TRIM17: variants seen among roughly 807,000 people sequenced by gnomAD.
TRIM17 encodes the protein tripartite motif containing 17.
TRIM17 carries 27 observed loss-of-function variants against 35.8 expected under a neutral mutation model. That is an observed-to-expected ratio of 0.75 (90% CI 0.56 to 1.04). TRIM17 has a LOEUF of 1.04. Ranked by LOEUF, TRIM17 falls within the 50% of genes least tolerant of loss-of-function variation. The probability of loss-of-function intolerance (pLI) is 0.00; values close to 1 mark genes in which losing one functional copy is unlikely to be tolerated. For synonymous variants in TRIM17, 246 were observed against 252.6 expected (o/e 0.97, Z 0.25); for missense variants, 582 against 612.8 (o/e 0.95, Z 0.53).
Position 228,408,443 on chromosome 1 carries a change from TG to T in TRIM17, c.1191del (p.Lys398SerfsTer9). The T allele has an allele frequency of 6.2e-7, 1 of 1,614,196 alleles. No homozygotes were observed. The highest frequency in any genetic ancestry group is 8.5e-7 in the Non-Finnish European group (1 of 1,180,024). ...AGGGCAGAGAAGGTGGATAAGTACT[TG>T]GTCCCCTTGGACAGCTGCACCACCC... ...GFWVVQLSKG[T>X]KYLSTFSALT... is the part of the protein sequence containing the mutation. On this transcript the variant is annotated frameshift_variant, in exon 7 of 7. Transcript: ENST00000366698. LOFTEE classifies it low-confidence loss of function (END_TRUNC). This position sits in a 1 kb window ranked among gnomAD's most constrained non-coding sequence, Gnocchi z 6.3.
At chr1:228,415,933 A>C (rs550586544) in intron 1 of TRIM17, 4 of 152,324 alleles carry the variant, frequency 2.6e-5, no homozygotes, top group Non-Finnish European at 5.9e-5. Context: ...ATGCATGTAC[A>C]CACAGGTACA....
In TRIM17 at chr1:228,411,042, C is replaced by G. The variant is rs2149105966; in HGVS notation, c.660G>C (p.Glu220Asp). 6.2e-7 allele frequency: 1 copy of G among 1,613,636 alleles called. No homozygotes were observed. Among genetic ancestry groups the G allele is most frequent in the Non-Finnish European group, 8.5e-7 (1 of 1,179,962 alleles). ...EEEETASRLR[E>D]SVACLDRQGH... ...CCTGCCGGTCCAGGCAGGCCACGCT[C>G]TCCCGGAGCCTGCTGGCAGTCTCCT... Residue 220 changes from glutamate to aspartate, a missense_variant, in exon 4 of 7, where the codon GAG becomes GAC. Physicochemically the swap from Glu to Asp is conservative, Grantham distance 45. Coordinates refer to ENST00000366698, the MANE Select transcript of TRIM17 (RefSeq NM_016102.4). This position sits in a 1 kb window ranked among gnomAD's most constrained non-coding sequence, Gnocchi z 4.2.
In TRIM17 at chr1:228,410,365, C is replaced by T. The variant is rs1236438662; in HGVS notation, c.756+581G>A. Among the ~76,000 whole-genome samples the T allele has an allele frequency of 1.3e-5, 2 of 152,092 alleles. No homozygotes were observed. Among genetic ancestry groups the T allele is most frequent in the Non-Finnish European group, 2.9e-5 (2 of 67,994 alleles). ...GTCCCGGCAGACAGGCTGGCTGCTT[C>T]ACCTCCCCACTGCCGTTGCCACACA... On this transcript the variant is annotated intron_variant, in intron 4 of 6. Transcript: ENST00000366698. The surrounding 1 kb of genome is among the most constrained non-coding windows in gnomAD (Gnocchi z 4.6).
rs1450998804 is a variant in TRIM17, at chr1:228,408,025, C to A, written c.*176G>T. On this transcript the variant is annotated 3_prime_UTR_variant, in exon 7 of 7. Coordinates refer to ENST00000366698, the MANE Select transcript of TRIM17 (RefSeq NM_016102.4). The surrounding 1 kb of genome is among the most constrained non-coding windows in gnomAD (Gnocchi z 6.3). Reference sequence around the variant, plus strand: ...CCTCTAGGAAGCATCTGTCAGTATACCCTCTTAATGTTTGACAGTTCTAAT... The same window carrying A: ...CCTCTAGGAAGCATCTGTCAGTATAACCTCTTAATGTTTGACAGTTCTAAT... 3.6e-6 allele frequency: 2 copies of A among 550,944 alleles called. No homozygotes were observed. The highest frequency in any genetic ancestry group is 3.8e-5 in the African/African-American group (2 of 52,278). The allele number at this position is 550,944 out of a possible 1,614,324, so 34.1% of individuals were successfully genotyped here.
intron 4 of TRIM17, chr1:228,409,803 G>T (rs1022733498): frequency 3.9e-5 from 7 of 178,360 alleles, no homozygotes; most frequent in Non-Finnish European, 8.0e-5. Flanking sequence ...AGGGAGGGGG[G>T]TGGGTAAGAG....
intron 1 of TRIM17, 60 bp downstream of exon 1, chr1:228,416,479 T>TA (rs1657135337): frequency 1.0e-6 from 1 of 985,746 alleles, no homozygotes; most frequent in Non-Finnish European, 1.2e-6. Context: ...GGGTTAGGCT[T>TA]AGGTCGTGGC....
chr1:228,411,215 G>A lies in TRIM17; in HGVS notation c.526-39C>T. On this transcript the variant is annotated intron_variant, in intron 3 of 6. Transcript: ENST00000366698. The surrounding 1 kb of genome is among the most constrained non-coding windows in gnomAD (Gnocchi z 4.2). ...GAAGCCCAGCATGTTGCCAGCAGGT[G>A]GCTCAGCTCCAGGGATGCTGGCACC... 6.5e-7 allele frequency: 1 copy of A among 1,544,528 alleles called. No individual in the cohort carries two copies. The highest frequency in any genetic ancestry group is 8.8e-7 in the Non-Finnish European group (1 of 1,136,796).
intron 1 of TRIM17, 89 bp downstream of exon 1, chr1:228,416,450 T>C: frequency 1.0e-6 from 1 of 986,256 alleles, no homozygotes; most frequent in East Asian, 1.1e-4. Flanking sequence ...AGGCCGGGCG[T>C]TGGAGGGCGA....
chr1:228,409,222 C>T lies in TRIM17; in HGVS notation c.833G>A (p.Arg278Lys). ...CPEVAPPTRP[R>K]TVCRVPGQIE... is the part of the protein sequence containing the mutation. The stretch of plus-strand genomic sequence containing the variant: ...CTGTCCGGGAACTCTGCACACAGTC[C>T]TGGGTCTGGTTGGGGGGGCAACCTC... The change falls in exon 6 of 7, where the codon AGG becomes AAG. Residue 278 changes from arginine (R) to lysine (K), a missense_variant. Arg to Lys is a conservative substitution (Grantham distance 26, BLOSUM62 2). Coordinates refer to ENST00000366698, the MANE Select transcript of TRIM17 (RefSeq NM_016102.4). 1 of 1,614,006 alleles carries T rather than the reference C, an allele frequency of 6.2e-7. No individual in the cohort carries two copies. The highest frequency in any genetic ancestry group is 8.5e-7 in the Non-Finnish European group (1 of 1,179,972).
Position 228,408,850 on chromosome 1 carries a change from G to T in TRIM17, c.884-99C>A, listed in dbSNP as rs1433452860. 3 of 1,508,628 alleles carry T rather than the reference G, an allele frequency of 2.0e-6. No homozygotes were observed. In the Admixed American group the frequency reaches 6.4e-5, roughly 32 times the overall value. 93.5% of individuals were successfully genotyped at this position (1,508,628 alleles called of 1,614,324 possible). A position where few individuals can be genotyped will look rare whatever the true frequency, so the allele number is the denominator to read the frequency against. On this transcript the variant is annotated intron_variant, in intron 6 of 6. Coordinates refer to ENST00000366698, the MANE Select transcript of TRIM17 (RefSeq NM_016102.4). This position sits in a 1 kb window ranked among gnomAD's most constrained non-coding sequence, Gnocchi z 6.3. ...GCCCTAGTGGTGGATGTGGCCAATGGTCCCCTAACTCCGCAGAGGCCTCCC... is the reference window on the plus strand; with the variant it reads ...GCCCTAGTGGTGGATGTGGCCAATGTTCCCCTAACTCCGCAGAGGCCTCCC...
Position 228,408,067 on chromosome 1 carries a change from A to G in TRIM17, c.*134T>C. The G allele has an allele frequency of 1.3e-6, 1 of 793,212 alleles. No homozygotes were observed. The highest frequency in any genetic ancestry group is 2.6e-5 in the East Asian group (1 of 38,594). The allele number at this position is 793,212 out of a possible 1,614,324, so 49.1% of individuals were successfully genotyped here. A position where few individuals can be genotyped will look rare whatever the true frequency, so the allele number is the denominator to read the frequency against. On this transcript the variant is annotated 3_prime_UTR_variant, in exon 7 of 7. Transcript: ENST00000366698. This position sits in a 1 kb window ranked among gnomAD's most constrained non-coding sequence, Gnocchi z 6.3. ...AGTTCTAATCACAATTATATTTAGA[A>G]TTTGAGAAACCCCCCTGTGTGTCTA...
At position 228,413,798 on chromosome 1, in the gene TRIM17, T is replaced by G. The variant is rs1445930861; in HGVS notation, c.524A>C (p.Gln175Pro). Residue 175 changes from glutamine (Q) to proline (P), a missense_variant and splice_region_variant, in exon 3 of 7, where the codon CAG becomes CCG. Transcript: ENST00000366698. Reference sequence around the variant, plus strand: ...GACTGGACAGCCCTGGGCACCCACCTGCCACTCGGCTAAGCTCTGCTCCTC... The same window carrying G: ...GACTGGACAGCCCTGGGCACCCACCGGCCACTCGGCTAAGCTCTGCTCCTC... The part of the protein sequence containing the change: ...AREEQSLAEW[Q>P]GKVKERRERI... The G allele has an allele frequency of 1.5e-5, 25 of 1,613,696 alleles. No homozygotes were observed. The highest frequency in any genetic ancestry group is 1.1e-4 in the African/African-American group (8 of 74,954).
intron 3 of TRIM17, among the ~76,000 whole-genome samples, chr1:228,412,939 G>C (rs549742002): frequency 6.6e-6 from 1 of 151,924 alleles, no homozygotes; most frequent in Non-Finnish European, 1.5e-5. Flanking sequence ...GGCCTGGCGC[G>C]ATGACTTATG....
In TRIM17 at chr1:228,415,055, G is replaced by A. The variant is rs745561555; in HGVS notation, c.18C>T (p.Leu6=). MEAVE[L]ARKLQEEATC... ...TAGCTTCCTCCTGCAGTTTTCTGGC[G>A]AGTTCCACAGCCTCCATGGCTCCTG... Residue 6 remains leucine (L), a synonymous_variant, in exon 2 of 7, where the codon CTC becomes CTT. Transcript: ENST00000366698. 5.0e-6 allele frequency: 8 copies of A among 1,603,858 alleles called. No individual in the cohort carries two copies. The African/African-American group carries it at 5.4e-5, about 11-fold the overall frequency.
Position 228,411,474 on chromosome 1 carries a change from G to T in TRIM17, c.526-298C>A, listed in dbSNP as rs2149107177. Among the ~76,000 whole-genome samples, 1 of 152,308 alleles carries T rather than the reference G, an allele frequency of 6.6e-6. No individual in the cohort carries two copies. Among genetic ancestry groups the T allele is most frequent in the Middle Eastern group, 3.4e-3 (1 of 294 alleles). On this transcript the variant is annotated intron_variant, in intron 3 of 6. Transcript: ENST00000366698. The surrounding 1 kb of genome is among the most constrained non-coding windows in gnomAD (Gnocchi z 4.2). ...TTGGGCATGTTAAACAAAATTTATGGGTGGCCATTGTTTTTTGTTTTGTTT... is the reference window on the plus strand; with the variant it reads ...TTGGGCATGTTAAACAAAATTTATGTGTGGCCATTGTTTTTTGTTTTGTTT...
rs1657169739 is a variant in TRIM17, at chr1:228,416,797, G to A, written c.-300C>T. On this transcript the variant is annotated 5_prime_UTR_variant, in exon 1 of 7. Transcript: ENST00000366698. Reference sequence around the variant, plus strand: ...TAGGAGAGGTTGGGGGTGGCTTGGGGAAGGAAGGCGGCAGGGGGTGGAAGG... The same window carrying A: ...TAGGAGAGGTTGGGGGTGGCTTGGGAAAGGAAGGCGGCAGGGGGTGGAAGG... 15 of 984,366 alleles carry A rather than the reference G, an allele frequency of 1.5e-5. No homozygotes were observed. Among genetic ancestry groups the A allele is most frequent in the African/African-American group, 1.8e-5 (1 of 56,906 alleles). 61.0% of individuals were successfully genotyped at this position (984,366 alleles called of 1,614,324 possible).
chr1:228,415,160 T>C, intron 1 of TRIM17, 47 bp from the exon 2 acceptor site: 1 of 1,446,150 alleles, frequency 6.9e-7, no homozygotes, highest in Non-Finnish European at 9.2e-7. Context: ...GCGCCGGCAG[T>C]GTGCAACCGT....
chr1:228,409,564 C>T, intron 4 of TRIM17, 153 bp from the exon 5 acceptor site: 1 of 694,620 alleles, frequency 1.4e-6, no homozygotes, highest in Non-Finnish European at 2.3e-6. Context: ...ACTCCTGAGC[C>T]TTCCCCACTG....
intron 4 of TRIM17, among the ~76,000 whole-genome samples, chr1:228,409,929 A>G (rs1656686209): frequency 6.6e-6 from 1 of 151,962 alleles, no homozygotes; most frequent in African/African-American, 2.4e-5. Context: ...CAAAGGCCAT[A>G]TTTCTAGTTG....
Sources: allele counts gnomAD v4.1 joint callset (sites outside exome capture counted in the v4.1 genomes callset), GRCh38; gene constraint gnomAD v4.1.1; non-coding constraint Gnocchi (gnomAD v3.1); transcripts MANE v1.5; gene names NCBI Gene and HGNC (gene_info 2026-07-23, HGNC 2026-07-21).